The following WHR1 variants were observed in gnomAD, a reference collection of about 807,000 sequenced individuals.
The protein encoded by WHR1 is MHC class III HLA-RP1.
chr6:31,981,024 C>T, the WHR1 span: 1 of 508,522 alleles, frequency 2.0e-6, no homozygotes, highest in Non-Finnish European at 3.3e-6. Flanking sequence ...ACTTCAGGAA[C>T]CCTCCTCCGC....
chr6:31,979,322 A>G, the WHR1 span: 18 of 1,547,308 alleles, frequency 1.2e-5, no homozygotes, highest in Admixed American at 5.3e-5. Context: ...TCTGAGCAAG[A>G]GGTAAGACAG....
the WHR1 span, chr6:31,972,409 G>A: frequency 8.1e-6 from 13 of 1,613,066 alleles, no homozygotes; most frequent in Non-Finnish European, 1.1e-5. The surrounding 1 kb of genome is among the most constrained non-coding windows in gnomAD (Gnocchi z 6.3). Context: ...AAAATCCCGG[G>A]ATATGAGCTG....
the WHR1 span, chr6:31,979,408 T>C: frequency 6.2e-7 from 1 of 1,612,862 alleles, no homozygotes. Context: ...TCATCTCTGC[T>C]TGTAGGTCCT....
the WHR1 span, chr6:31,978,821 C>T: frequency 7.5e-7 from 1 of 1,325,052 alleles, no homozygotes; most frequent in Non-Finnish European, 1.0e-6. Flanking sequence ...CAAACAAAAT[C>T]TCCCTGCCTG....
At chr6:31,979,327 A>G in the WHR1 span, 1 of 1,564,054 alleles carries the variant, frequency 6.4e-7, no homozygotes, top group Non-Finnish European at 8.7e-7. Context: ...GCAAGAGGTA[A>G]GACAGGAAGA....
At chr6:31,977,710 G>C in the WHR1 span, among the ~76,000 whole-genome samples, 1 of 151,562 alleles carries the variant, frequency 6.6e-6, no homozygotes, top group Admixed American at 6.6e-5. Flanking sequence ...TCTTGAACTT[G>C]AACTTCTGAC....
At chr6:31,976,142 C>A in the WHR1 span, among the ~76,000 whole-genome samples, 1 of 145,404 alleles carries the variant, frequency 6.9e-6, no homozygotes, top group Non-Finnish European at 1.5e-5. Context: ...GGGCTGACCC[C>A]CCCACCTCCC....
At chr6:31,975,640 T>C in the WHR1 span, among the ~76,000 whole-genome samples, 2 of 129,684 alleles carry the variant, frequency 1.5e-5, no homozygotes, top group East Asian at 4.7e-4. Context: ...ATAATTCCAC[T>C]ATTTTTTTTT....
At chr6:31,978,723 A>G in the WHR1 span, among the ~76,000 whole-genome samples, 3 of 152,222 alleles carry the variant, frequency 2.0e-5, no homozygotes, top group African/African-American at 7.2e-5. Flanking sequence ...GAATGTGGGT[A>G]GCTAGTTGGA....
the WHR1 span, among the ~76,000 whole-genome samples, chr6:31,977,505 C>T: frequency 6.6e-6 from 1 of 151,814 alleles, no homozygotes; most frequent in African/African-American, 2.4e-5. Context: ...CTATGCCTGG[C>T]TAATTGTTTT....
chr6:31,972,113 C>T, the WHR1 span: 2 of 1,613,084 alleles, frequency 1.2e-6, no homozygotes, highest in Non-Finnish European at 1.7e-6. The surrounding 1 kb of genome is among the most constrained non-coding windows in gnomAD (Gnocchi z 6.3). Flanking sequence ...CCAACGTGGC[C>T]ACCGGCGCCC....
the WHR1 span, chr6:31,971,849 T>C: frequency 7.3e-7 from 1 of 1,373,362 alleles, no homozygotes; most frequent in Non-Finnish European, 9.7e-7. This position sits in a 1 kb window ranked among gnomAD's most constrained non-coding sequence, Gnocchi z 4.5. Context: ...TTCCTTGCCC[T>C]TCACCCACCC....
the WHR1 span, among the ~76,000 whole-genome samples, chr6:31,973,839 C>T: frequency 5.3e-5 from 8 of 152,240 alleles, no homozygotes; most frequent in Middle Eastern, 3.4e-3. Context: ...TAATGAATTA[C>T]GCTCTCTTGG....
chr6:31,972,625 G>C, the WHR1 span: 10 of 1,607,662 alleles, frequency 6.2e-6, no homozygotes, highest in Non-Finnish European at 8.5e-6. This position sits in a 1 kb window ranked among gnomAD's most constrained non-coding sequence, Gnocchi z 6.3. Context: ...GCCCAGGGTC[G>C]GCGCGCGCGG....
At chr6:31,971,422 C>CT in the WHR1 span, 1 of 1,609,628 alleles carries the variant, frequency 6.2e-7, no homozygotes, top group Non-Finnish European at 8.5e-7. This position sits in a 1 kb window ranked among gnomAD's most constrained non-coding sequence, Gnocchi z 4.5. Flanking sequence ...GTATCCGTCT[C>CT]TGAGGTCAAA....
chr6:31,975,546 G>A, the WHR1 span, among the ~76,000 whole-genome samples: 2 of 148,180 alleles, frequency 1.3e-5, no homozygotes, highest in South Asian at 2.1e-4. Context: ...TGTTGGCCAG[G>A]CTGGTCTCAA....
chr6:31,978,716 T>C, the WHR1 span, among the ~76,000 whole-genome samples: 1 of 152,214 alleles, frequency 6.6e-6, no homozygotes, highest in Non-Finnish European at 1.5e-5. Context: ...TGGATGAGAA[T>C]GTGGGTAGCT....
the WHR1 span, chr6:31,972,624 C>G: frequency 1.2e-5 from 20 of 1,607,820 alleles, no homozygotes; most frequent in Non-Finnish European, 1.7e-5. The surrounding 1 kb of genome is among the most constrained non-coding windows in gnomAD (Gnocchi z 6.3). Context: ...TGCCCAGGGT[C>G]GGCGCGCGCG....
At chr6:31,980,747 G>A in the WHR1 span, 15 of 1,606,114 alleles carry the variant, frequency 9.3e-6, no homozygotes, top group Admixed American at 6.7e-5. Context: ...GTCGTGGTGC[G>A]GCTTGGCCTC....
Sources: gnomAD v4.1 joint callset for allele counts (sites outside exome capture counted in the v4.1 genomes callset) on GRCh38, gnomAD v4.1.1 for gene constraint, Gnocchi (gnomAD v3.1) non-coding constraint, MANE v1.5 for transcripts, NCBI Gene and HGNC (gene_info 2026-07-23, HGNC 2026-07-21) for gene names.